DRC11: variants seen among roughly 807,000 people sequenced by gnomAD.
DRC11 encodes IQ and AAA domain-containing protein 1.
At chr2:236,410,545 C>T in the DRC11 span, among the ~76,000 whole-genome samples, 370 of 149,856 alleles carry the variant, frequency 2.5e-3, 4 homozygotes, top group African/African-American at 8.5e-3. Flanking sequence ...GAAAAAACTA[C>T]TTTAAAGTTC....
At chr2:236,328,594 A>C in the DRC11 span, among the ~76,000 whole-genome samples, 2 of 148,500 alleles carry the variant, frequency 1.3e-5, no homozygotes, top group Non-Finnish European at 3.0e-5. This position sits in a 1 kb window ranked among gnomAD's most constrained non-coding sequence, Gnocchi z 6.7. Flanking sequence ...CCCATGTATT[A>C]GCTCATATAG....
chr2:236,359,913 G>C, the DRC11 span, among the ~76,000 whole-genome samples: 1 of 152,144 alleles, frequency 6.6e-6, no homozygotes. This position sits in a 1 kb window ranked among gnomAD's most constrained non-coding sequence, Gnocchi z 4.3. Flanking sequence ...CTGACATGAA[G>C]TGGCCCAGGT....
the DRC11 span, among the ~76,000 whole-genome samples, chr2:236,416,355 C>A: frequency 6.6e-6 from 1 of 152,008 alleles, no homozygotes; most frequent in Non-Finnish European, 1.5e-5. Flanking sequence ...TAGACTGGAG[C>A]AATTCCTGGG....
At chr2:236,486,123 T>C in the DRC11 span, among the ~76,000 whole-genome samples, 1 of 152,176 alleles carries the variant, frequency 6.6e-6, no homozygotes, top group Non-Finnish European at 1.5e-5. The surrounding 1 kb of genome is among the most constrained non-coding windows in gnomAD (Gnocchi z 5.7). Context: ...GAAGCACACA[T>C]GGCATGGAGC....
At chr2:236,402,161 C>T in the DRC11 span, among the ~76,000 whole-genome samples, 4 of 152,284 alleles carry the variant, frequency 2.6e-5, no homozygotes, top group African/African-American at 4.8e-5. This position sits in a 1 kb window ranked among gnomAD's most constrained non-coding sequence, Gnocchi z 6.0. Context: ...TGCTGGGTTA[C>T]ACCCTGAGCA....
At chr2:236,428,795 TA>T in the DRC11 span, among the ~76,000 whole-genome samples, 1 of 152,230 alleles carries the variant, frequency 6.6e-6, no homozygotes, top group African/African-American at 2.4e-5. Flanking sequence ...GATTGTCTTG[TA>T]AATCCTTCTT....
chr2:236,400,488 T>C, the DRC11 span, among the ~76,000 whole-genome samples: 2 of 152,220 alleles, frequency 1.3e-5, no homozygotes, highest in South Asian at 4.1e-4. The surrounding 1 kb of genome is among the most constrained non-coding windows in gnomAD (Gnocchi z 7.9). Context: ...CAAACCCTCA[T>C]GTGATGTTTC....
the DRC11 span, chr2:236,441,039 C>A: frequency 6.6e-7 from 1 of 1,506,650 alleles, no homozygotes; most frequent in East Asian, 2.4e-5. Flanking sequence ...CATATTTGTA[C>A]CTGTTGTATG....
the DRC11 span, among the ~76,000 whole-genome samples, chr2:236,483,019 A>G: frequency 6.6e-6 from 1 of 152,176 alleles, no homozygotes; most frequent in Non-Finnish European, 1.5e-5. The surrounding 1 kb of genome is among the most constrained non-coding windows in gnomAD (Gnocchi z 4.8). Flanking sequence ...GAAACTCTGT[A>G]CCCATTAAGC....
At chr2:236,321,581 T>C in the DRC11 span, among the ~76,000 whole-genome samples, 1 of 146,620 alleles carries the variant, frequency 6.8e-6, no homozygotes, top group East Asian at 1.9e-4. Context: ...TCTGGCGGAC[T>C]TTGCAGTGAC....
At chr2:236,377,180 A>C in the DRC11 span, 2 of 1,609,522 alleles carry the variant, frequency 1.2e-6, no homozygotes, top group Non-Finnish European at 8.5e-7. This position sits in a 1 kb window ranked among gnomAD's most constrained non-coding sequence, Gnocchi z 4.9. Context: ...CAGAGACTCG[A>C]TGGTCCTGGG....
At chr2:236,361,491 T>C in the DRC11 span, among the ~76,000 whole-genome samples, 35 of 152,270 alleles carry the variant, frequency 2.3e-4, no homozygotes, top group African/African-American at 6.7e-4. This position sits in a 1 kb window ranked among gnomAD's most constrained non-coding sequence, Gnocchi z 5.7. Context: ...TTGTGGTATA[T>C]ATAACATTTA....
chr2:236,458,553 T>G, the DRC11 span, among the ~76,000 whole-genome samples: 1 of 152,052 alleles, frequency 6.6e-6, no homozygotes, highest in African/African-American at 2.4e-5. Flanking sequence ...ATAACCCCAA[T>G]AAGTAATTTG....
the DRC11 span, among the ~76,000 whole-genome samples, chr2:236,421,129 C>T: frequency 6.6e-6 from 1 of 152,050 alleles, no homozygotes; most frequent in South Asian, 2.1e-4. Flanking sequence ...AATTGACACC[C>T]TAACATCACA....
chr2:236,422,558 A>G, the DRC11 span, among the ~76,000 whole-genome samples: 5 of 152,214 alleles, frequency 3.3e-5, no homozygotes, highest in Non-Finnish European at 7.3e-5. Flanking sequence ...AAGAGAATAC[A>G]AACAAATGGA....
the DRC11 span, among the ~76,000 whole-genome samples, chr2:236,461,064 T>C: frequency 6.6e-6 from 1 of 152,146 alleles, no homozygotes; most frequent in Non-Finnish European, 1.5e-5. This position sits in a 1 kb window ranked among gnomAD's most constrained non-coding sequence, Gnocchi z 4.0. Context: ...ACTGCAAACA[T>C]AGATTTAGTA....
chr2:236,389,531 T>C, the DRC11 span, among the ~76,000 whole-genome samples: 4 of 152,138 alleles, frequency 2.6e-5, no homozygotes, highest in South Asian at 8.3e-4. Context: ...TCGCGACCGG[T>C]GCGCGCACCC....
At chr2:236,340,879 G>T in the DRC11 span, among the ~76,000 whole-genome samples, 1 of 152,124 alleles carries the variant, frequency 6.6e-6, no homozygotes, top group African/African-American at 2.4e-5. Flanking sequence ...ATGAACAGGG[G>T]ACAGAAATTG....
At chr2:236,340,813 G>A in the DRC11 span, among the ~76,000 whole-genome samples, 3 of 152,160 alleles carry the variant, frequency 2.0e-5, no homozygotes, top group Admixed American at 6.5e-5. Context: ...GATGACAAAC[G>A]TTGATTCTGG....
Sources: gnomAD v4.1 joint callset for allele counts (sites outside exome capture counted in the v4.1 genomes callset) on GRCh38, gnomAD v4.1.1 for gene constraint, Gnocchi (gnomAD v3.1) non-coding constraint, MANE v1.5 for transcripts, NCBI Gene and HGNC (gene_info 2026-07-23, HGNC 2026-07-21) for gene names.